The following PHLDB1 variants were observed in gnomAD, a reference collection of about 807,000 sequenced individuals.
The protein encoded by PHLDB1 is pleckstrin homology-like domain family B member 1.
In PHLDB1, 65 loss-of-function variants were observed where a neutral mutation model predicts 139.3. That is an observed-to-expected ratio of 0.47 (90% confidence interval 0.38 to 0.57). The LOEUF (loss-of-function observed/expected upper bound fraction) is 0.57. Ranked by LOEUF, PHLDB1 falls within the 20% of genes least tolerant of loss-of-function variation. The pLI, the probability that PHLDB1 is intolerant of heterozygous loss-of-function variation, is 0.00. For synonymous variants in PHLDB1, 679 were observed against 734.5 expected, an observed-to-expected ratio of 0.92 and a Z score of 1.22; for missense variants, 1,624 against 1,839.7, an observed-to-expected ratio of 0.88 and a Z score of 2.14.
In PHLDB1 at chr11:118,609,017, TCACA is replaced by T. The variant is rs550483973; in HGVS notation, c.-22+1326_-22+1329del. On this transcript the variant is annotated intron_variant, in intron 1 of 22. Transcript: ENST00000600882. Reference sequence around the variant, plus strand: ...CAGCTCACACACGCAGCCCCAGCTCTCACACACACACCCCAGTCAAACACGAGGC... The same window carrying T: ...CAGCTCACACACGCAGCCCCAGCTCTCACACACCCCAGTCAAACACGAGGC... Among the ~76,000 whole-genome samples, 4 of 92,120 alleles carry T rather than the reference TCACA, an allele frequency of 4.3e-5. No individual in the cohort carries two copies. The South Asian group carries it at 1.1e-3, about 26-fold the overall frequency. 60.4% of individuals were successfully genotyped at this position (92,120 alleles called of 152,430 possible).
intron 7 of PHLDB1, 69 bp from the exon 8 acceptor site, chr11:118,631,844 G>A (rs1331005101): frequency 3.3e-5 from 50 of 1,503,366 alleles, no homozygotes; most frequent in Admixed American, 6.3e-5. Context: ...AGGAACAGGT[G>A]ATCCATTTTC....
chr11:118,637,660 T>G (rs1250189988), intron 10 of PHLDB1: 1 of 152,222 alleles, frequency 6.6e-6, no homozygotes, highest in Non-Finnish European at 1.5e-5. Flanking sequence ...TACTTTGGTC[T>G]TTTCTTGGAC....
At chr11:118,639,729 C>A in intron 12 of PHLDB1, 1 of 438,684 alleles carries the variant, frequency 2.3e-6, no homozygotes, top group Non-Finnish European at 3.1e-6. Context: ...CCAAATAGAA[C>A]ATATCTGGTT....
In PHLDB1 at chr11:118,609,084, C is replaced by T. The variant is rs181635031; in HGVS notation, c.-22+1385C>T. Among the ~76,000 whole-genome samples, 14 of 150,212 alleles carry T rather than the reference C, an allele frequency of 9.3e-5. No homozygotes were observed. In the East Asian group the frequency reaches 1.2e-3, roughly 13 times the overall value. On this transcript the variant is annotated intron_variant, in intron 1 of 22. Coordinates refer to ENST00000600882, the MANE Select transcript of PHLDB1 (RefSeq NM_001144758.3). ...ACGAAGCCCAGCTCACACACACTGC[C>T]CCAGTTACACAGCCCAGCTCATGCA...
At chr11:118,609,411 C>CCCAGCTCACACATACACT (rs1939735964) in intron 1 of PHLDB1, among the ~76,000 whole-genome samples, 1 of 149,620 alleles carries the variant, frequency 6.7e-6, no homozygotes, top group East Asian at 2.0e-4. Context: ...ACACACGCAG[C>CCCAGCTCACACATACACT]CCAGCTCACA....
chr11:118,627,085 C>A, intron 5 of PHLDB1: 2 of 579,414 alleles, frequency 3.5e-6, no homozygotes, highest in Non-Finnish European at 6.0e-6. Flanking sequence ...GAAGGCCCTG[C>A]CGATTCCCTT....
In PHLDB1 at chr11:118,627,522, G is replaced by C. The variant is rs782607819; in HGVS notation, c.699G>C (p.Leu233=). The C allele has an allele frequency of 8.7e-6, 14 of 1,614,060 alleles. No homozygotes were observed. Among genetic ancestry groups the C allele is most frequent in the Middle Eastern group, 1.6e-4 (1 of 6,084 alleles). Residue 233 remains leucine, a synonymous_variant, in exon 6 of 23, where the codon CTG becomes CTC. Transcript: ENST00000600882. ...SPMANGGRYL[L]SPPTSPGAMS... ...TGGCTAATGGTGGGCGCTACCTGCTGTCTCCCCCAACCAGCCCCGGCGCCA... is the reference window on the plus strand; with the variant it reads ...TGGCTAATGGTGGGCGCTACCTGCTCTCTCCCCCAACCAGCCCCGGCGCCA...
At chr11:118,640,747 C>T (rs1411758074) in intron 12 of PHLDB1, 2 of 152,428 alleles carry the variant, frequency 1.3e-5, no homozygotes, top group Non-Finnish European at 2.9e-5. Context: ...GAGGGGGTCT[C>T]TGGAAGCTGG....
chr11:118,638,419 A>G (rs1945994355), intron 10 of PHLDB1, among the ~76,000 whole-genome samples: 2 of 152,230 alleles, frequency 1.3e-5, no homozygotes, highest in African/African-American at 4.8e-5. Context: ...AGATTAGAAA[A>G]TTCAGATAAG....
chr11:118,626,200 G>T (rs1555101068), intron 5 of PHLDB1, among the ~76,000 whole-genome samples: 1 of 151,582 alleles, frequency 6.6e-6, no homozygotes, highest in African/African-American at 2.4e-5. Flanking sequence ...ACGAAGTGGT[G>T]CAGCACACAC....
intron 5 of PHLDB1, among the ~76,000 whole-genome samples, chr11:118,625,525 T>G (rs936947948): frequency 2.6e-5 from 4 of 152,194 alleles, no homozygotes; most frequent in South Asian, 4.1e-4. Context: ...ATTTTGTGTG[T>G]GAATTATTGA....
chr11:118,643,846 G>A lies in PHLDB1; in HGVS notation c.2924G>A (p.Arg975Gln), dbSNP rs782075612. 8.2e-6 allele frequency: 13 copies of A among 1,582,314 alleles called. No homozygotes were observed. The highest frequency in any genetic ancestry group is 2.7e-5 in the African/African-American group (2 of 73,970). Residue 975 changes from arginine (R) to glutamine (Q), a missense_variant, in exon 14 of 23, where the codon CGG (arginine) becomes CAG (glutamine). Coordinates refer to ENST00000600882, the MANE Select transcript of PHLDB1 (RefSeq NM_001144758.3). ...MDGEATSPLP[R>Q]TRSGPLPSSS... ...GGCGAGGCCACCAGCCCCCTTCCCC[G>A]GACCCGCAGCGGCCCCCTCCCCTCC...
chr11:118,642,433 C>A (rs782344800), intron 13 of PHLDB1, 39 bp downstream of exon 13: 1 of 1,590,526 alleles, frequency 6.3e-7, no homozygotes, highest in Admixed American at 1.7e-5. Flanking sequence ...CCAGCCTTTG[C>A]ACCTGTCCAC....
At chr11:118,644,825 G>A (rs980169100) in intron 15 of PHLDB1, 3 of 382,884 alleles carry the variant, frequency 7.8e-6, no homozygotes, top group African/African-American at 4.3e-5. Context: ...GTGTCTGCTG[G>A]CCTCACCCCT....
At position 118,629,806 on chromosome 11, in the gene PHLDB1, G is replaced by A. The variant is rs1299340412; in HGVS notation, c.1827+1156G>A. Among the ~76,000 whole-genome samples the A allele has an allele frequency of 3.9e-5, 6 of 152,252 alleles. No homozygotes were observed. The South Asian group carries it at 1.2e-3, about 32-fold the overall frequency. On this transcript the variant is annotated intron_variant, in intron 6 of 22. Coordinates refer to ENST00000600882, the MANE Select transcript of PHLDB1 (RefSeq NM_001144758.3). Reference sequence around the variant, plus strand: ...GGGCAGTGAGCCTGGCACAGGCAGAGTGGCAGGCACAGCCTCCCCCAACTC... The same window carrying A: ...GGGCAGTGAGCCTGGCACAGGCAGAATGGCAGGCACAGCCTCCCCCAACTC...
intron 1 of PHLDB1, among the ~76,000 whole-genome samples, chr11:118,612,986 G>A (rs1488677517): frequency 2.0e-5 from 3 of 152,080 alleles, no homozygotes; most frequent in Non-Finnish European, 4.4e-5. Context: ...AGGGAGAGAG[G>A]GATGCATGGT....
At chr11:118,617,253 G>A (rs1555090506) in intron 4 of PHLDB1, among the ~76,000 whole-genome samples, 2 of 152,012 alleles carry the variant, frequency 1.3e-5, no homozygotes, top group African/African-American at 4.8e-5. Context: ...TAGAGGTGAA[G>A]TTAAAGGCTA....
chr11:118,627,415 C>G lies in PHLDB1; in HGVS notation c.592C>G (p.Gln198Glu), dbSNP rs1944069253. ...GGTGAGCTCTATTGAGAAGGACCTG[C>G]AAGAGATCATGGACTCACTGGTGCT... The part of the protein sequence containing the change: ...SLVSSIEKDL[Q>E]EIMDSLVLEE... The change falls in exon 6 of 23, where the codon CAA becomes GAA. Residue 198 changes from glutamine (Q) to glutamate (E), a missense_variant. Gln to Glu is a conservative substitution (Grantham distance 29, BLOSUM62 2). Transcript: ENST00000600882. 1 of 1,614,094 alleles carries G rather than the reference C, an allele frequency of 6.2e-7. No individual in the cohort carries two copies. The highest frequency in any genetic ancestry group is 1.7e-5 in the Admixed American group (1 of 60,008).
At chr11:118,649,382 G>T (rs560249930) in intron 18 of PHLDB1, among the ~76,000 whole-genome samples, 1 of 152,312 alleles carries the variant, frequency 6.6e-6, no homozygotes, top group Admixed American at 6.5e-5. Context: ...GTCAGTGACT[G>T]TTCTGGGAGT....
Sources: allele counts gnomAD v4.1 joint callset (sites outside exome capture counted in the v4.1 genomes callset), GRCh38; gene constraint gnomAD v4.1.1; transcripts MANE v1.5; gene names NCBI Gene and HGNC (gene_info 2026-07-23, HGNC 2026-07-21).